Variants in HSD17B11 observed in about 807,000 individuals in gnomAD.
HSD17B11 encodes hydroxysteroid 17-beta dehydrogenase 11, also known as estradiol 17-beta-dehydrogenase 11.
Under a neutral mutation model 27.8 loss-of-function variants are expected in HSD17B11, and 22 were observed. That is an observed-to-expected ratio of 0.79 (90% CI 0.56 to 1.13). The LOEUF is 1.13. HSD17B11 is among the 50% of genes most tolerant of loss of function. The probability of loss-of-function intolerance (pLI) is 0.00; values close to 1 mark genes in which losing one functional copy is unlikely to be tolerated. For synonymous variants in HSD17B11, 117 were observed against 132.8 expected, an observed-to-expected ratio of 0.88 and a Z score of 0.82; for missense variants, 314 against 351.1, an observed-to-expected ratio of 0.89 and a Z score of 0.84.
chr4:87,362,039 T>C (rs773231322), intron 4 of HSD17B11, among the ~76,000 whole-genome samples: 13 of 152,184 alleles, frequency 8.5e-5, no homozygotes, highest in Admixed American at 2.0e-4. Flanking sequence ...GGCACAACAG[T>C]GGGCTGACTT....
chr4:87,362,458 C>T (rs1002847876), intron 4 of HSD17B11, among the ~76,000 whole-genome samples: 11 of 152,200 alleles, frequency 7.2e-5, no homozygotes, highest in South Asian at 2.1e-4. Flanking sequence ...CCCGGGAGGC[C>T]GAGGTTGCAG....
At chr4:87,381,495 T>C (rs112691676) in intron 2 of HSD17B11, among the ~76,000 whole-genome samples, 5,770 of 152,148 alleles carry the variant, frequency 0.038, 389 homozygotes, top group African/African-American at 0.13. Context: ...GCGTGGCTCA[T>C]GCCTATAATC....
Position 87,337,238 on chromosome 4 carries a change from C to G in HSD17B11, c.*38G>C, listed in dbSNP as rs1735071562. 1 of 1,283,764 alleles carries G rather than the reference C, an allele frequency of 7.8e-7. No individual in the cohort carries two copies. Among genetic ancestry groups the G allele is most frequent in the Non-Finnish European group, 1.1e-6 (1 of 880,622 alleles). The allele number at this position is 1,283,764 out of a possible 1,614,324, so 79.5% of individuals were successfully genotyped here. ...TTCTGGCACTATTAGATGACATCAA[C>G]CTAAACCTGGTAAATCAGTTTTCAG... On this transcript the variant is annotated 3_prime_UTR_variant, in exon 7 of 7. Coordinates refer to ENST00000358290, the MANE Select transcript of HSD17B11 (RefSeq NM_016245.5).
At chr4:87,380,780 C>A (rs1218927043) in intron 2 of HSD17B11, among the ~76,000 whole-genome samples, 1 of 146,654 alleles carries the variant, frequency 6.8e-6, no homozygotes, top group African/African-American at 2.5e-5. Flanking sequence ...ATGGGGTGAA[C>A]CCGGGAGGCG....
chr4:87,370,609 G>A (rs1735689905), intron 4 of HSD17B11, among the ~76,000 whole-genome samples: 1 of 151,290 alleles, frequency 6.6e-6, no homozygotes, highest in Admixed American at 6.6e-5. Context: ...AGTAGAGACA[G>A]GGTTTCACCA....
intron 5 of HSD17B11, 37 bp downstream of exon 5, chr4:87,357,242 C>T: frequency 6.3e-7 from 1 of 1,599,954 alleles, no homozygotes. Context: ...GTATTCATAG[C>T]AACCACCAAT....
chr4:87,338,314 G>A (rs917504752), intron 6 of HSD17B11, among the ~76,000 whole-genome samples: 17 of 152,182 alleles, frequency 1.1e-4, no homozygotes, highest in African/African-American at 4.1e-4. Flanking sequence ...TTAGGGAGTT[G>A]TCACATTCCA....
At chr4:87,378,899 TATATAAATATATATATATAA>T (rs1720027479) in intron 2 of HSD17B11, among the ~76,000 whole-genome samples, 1 of 17,124 alleles carries the variant, frequency 5.8e-5, no homozygotes, top group Non-Finnish European at 8.6e-5. Context: ...TATATAAATA[TATATAAATATATATATATAA>T]ATATATATAA....
intron 6 of HSD17B11, 77 bp from the exon 7 acceptor site, chr4:87,337,443 T>G: frequency 1.2e-6 from 1 of 844,372 alleles, no homozygotes; most frequent in Non-Finnish European, 2.0e-6. Flanking sequence ...TAGAAATACT[T>G]TTAAGTTATC....
intron 4 of HSD17B11, among the ~76,000 whole-genome samples, chr4:87,360,819 A>C (rs1383390437): frequency 1.3e-5 from 2 of 152,194 alleles, no homozygotes; most frequent in African/African-American, 2.4e-5. Flanking sequence ...ACCAATGATA[A>C]TGAGTAAATT....
rs1350744807 is a variant in HSD17B11, at chr4:87,370,841, C to T, written c.557+1868G>A. 3.7e-5 allele frequency among the ~76,000 whole-genome samples: 4 copies of T among 108,986 alleles called. No individual in the cohort carries two copies. The Admixed American group carries it at 3.7e-4, about 10-fold the overall frequency. The allele number at this position is 108,986 out of a possible 152,430, so 71.5% of individuals were successfully genotyped here. On this transcript the variant is annotated intron_variant, in intron 4 of 6. Coordinates refer to ENST00000358290, the MANE Select transcript of HSD17B11 (RefSeq NM_016245.5). ...GATCTCGGCTCACTGCAAGCTCCGC[C>T]TCCCGGGTTCACGCCATTCTCCTGC...
At chr4:87,370,928 A>G (rs1735704448) in intron 4 of HSD17B11, among the ~76,000 whole-genome samples, 1 of 98,876 alleles carries the variant, frequency 1.0e-5, no homozygotes, top group East Asian at 2.5e-4. Context: ...AATTTTTTGT[A>G]TTTTTAGTAG....
At chr4:87,339,907 A>G (rs764605398) in intron 6 of HSD17B11, among the ~76,000 whole-genome samples, 152 of 152,206 alleles carry the variant, frequency 1.0e-3, no homozygotes, top group Non-Finnish European at 1.5e-3. Context: ...AAATTTTAAT[A>G]TGCGTACAAA....
chr4:87,375,765 T>G (rs1735810033), intron 2 of HSD17B11, among the ~76,000 whole-genome samples: 1 of 152,198 alleles, frequency 6.6e-6, no homozygotes, highest in African/African-American at 2.4e-5. Context: ...AAAACTAATG[T>G]GGCAAAATCA....
intron 4 of HSD17B11, among the ~76,000 whole-genome samples, chr4:87,360,952 G>T (rs1224707785): frequency 6.6e-6 from 1 of 152,034 alleles, no homozygotes; most frequent in East Asian, 1.9e-4. Context: ...TTTTTTCAAT[G>T]CATAACTATA....
At chr4:87,373,601 T>C (rs1167103586) in intron 3 of HSD17B11, among the ~76,000 whole-genome samples, 2 of 151,952 alleles carry the variant, frequency 1.3e-5, no homozygotes, top group African/African-American at 4.8e-5. Flanking sequence ...TCCCTGCTAC[T>C]AGGGAGGCCA....
intron 1 of HSD17B11, among the ~76,000 whole-genome samples, chr4:87,387,578 T>C (rs1033099101): frequency 1.3e-5 from 2 of 152,198 alleles, no homozygotes; most frequent in Non-Finnish European, 1.5e-5. Flanking sequence ...TTCTCAGCCT[T>C]CTATAATTTC....
chr4:87,365,794 T>G (rs1465614545), intron 4 of HSD17B11: 5 of 152,100 alleles, frequency 3.3e-5, no homozygotes, highest in Non-Finnish European at 7.3e-5. Flanking sequence ...CGGATTATTT[T>G]CTGCCTAGAT....
chr4:87,345,951 C>T (rs1267544023), intron 5 of HSD17B11, among the ~76,000 whole-genome samples: 1 of 152,044 alleles, frequency 6.6e-6, no homozygotes, highest in Non-Finnish European at 1.5e-5. Context: ...CTCTGAGTCC[C>T]GAATTACCCC....
Sources: allele counts gnomAD v4.1 joint callset (sites outside exome capture counted in the v4.1 genomes callset), GRCh38; gene constraint gnomAD v4.1.1; transcripts MANE v1.5; gene names NCBI Gene and HGNC (gene_info 2026-07-23, HGNC 2026-07-21).